ESRRG: variants seen among roughly 807,000 people sequenced by gnomAD.
The protein encoded by ESRRG is estrogen related receptor gamma, also known as estrogen-related receptor gamma.
Under a neutral mutation model 44.0 loss-of-function variants are expected in ESRRG, and 13 were observed. That is an observed-to-expected ratio of 0.30 (90% CI 0.19 to 0.47). The LOEUF (loss-of-function observed/expected upper bound fraction) is 0.47. Ranked by LOEUF, ESRRG falls within the 20% of genes least tolerant of loss-of-function variation. ESRRG has a pLI of 1.00. For missense variants in ESRRG, 395 were observed against 580.6 expected (o/e 0.68, Z 3.29); for synonymous variants, 215 against 214.6 (o/e 1.00, Z -0.02).
At chr1:216,529,632 C>T (rs1410620066) in intron 5 of ESRRG, among the ~76,000 whole-genome samples, 2 of 152,118 alleles carry the variant, frequency 1.3e-5, no homozygotes, top group Non-Finnish European at 2.9e-5. Flanking sequence ...ATTGGCACTT[C>T]TGCCTTCCTT....
chr1:216,988,392 G>A (rs1423075311), intron 1 of ESRRG, among the ~76,000 whole-genome samples: 2 of 152,138 alleles, frequency 1.3e-5, no homozygotes, highest in African/African-American at 4.8e-5. Context: ...CTTATCAGTT[G>A]TTTTCCTTAT....
intron 1 of ESRRG, among the ~76,000 whole-genome samples, chr1:216,998,135 G>A (rs1259284418): frequency 6.6e-6 from 1 of 152,166 alleles, no homozygotes; most frequent in East Asian, 1.9e-4. Context: ...AAAGGATTGT[G>A]ATTTCAAGTA....
At chr1:216,654,074 G>T (rs2069743721) in intron 2 of ESRRG, among the ~76,000 whole-genome samples, 2 of 150,840 alleles carry the variant, frequency 1.3e-5, no homozygotes, top group South Asian at 4.2e-4. Flanking sequence ...AGTGAGCCAA[G>T]ATCATGCCAC....
chr1:216,536,873 G>A (rs1020971873), intron 5 of ESRRG, among the ~76,000 whole-genome samples: 1 of 152,082 alleles, frequency 6.6e-6, no homozygotes, highest in Admixed American at 6.6e-5. Flanking sequence ...GCAGGCAGTG[G>A]TATAATACTG....
Position 216,564,282 on chromosome 1 carries a change from T to C in ESRRG, c.799A>G (p.Thr267Ala). Residue 267 changes from threonine to alanine, a missense_variant, in exon 5 of 7, where the codon ACA (threonine) becomes GCA (alanine). Transcript: ENST00000408911. ...VPDSDIKALT[T>A]LCDLADRELV... ...TCTCGGTCGGCCAAGTCACACAGTG[T>C]AGTGAGGGCTTTGATGTCACTGTCG... is the stretch of plus-strand genomic sequence containing the variant. 6.2e-7 allele frequency: 1 copy of C among 1,611,530 alleles called. No individual in the cohort carries two copies. Among genetic ancestry groups the C allele is most frequent in the Non-Finnish European group, 8.5e-7 (1 of 1,178,568 alleles).
At chr1:216,877,844 A>G (rs1382048885) in intron 2 of ESRRG, among the ~76,000 whole-genome samples, 1 of 152,162 alleles carries the variant, frequency 6.6e-6, no homozygotes, top group African/African-American at 2.4e-5. Flanking sequence ...ACACACCTAG[A>G]CCACTACTTC....
At chr1:216,878,407 C>G (rs1490957925) in intron 2 of ESRRG, among the ~76,000 whole-genome samples, 2 of 152,150 alleles carry the variant, frequency 1.3e-5, no homozygotes, top group African/African-American at 2.4e-5. Flanking sequence ...AATATACATA[C>G]TTAAATTCTA....
chr1:216,834,698 G>A (rs950914833), intron 2 of ESRRG, among the ~76,000 whole-genome samples: 10 of 152,188 alleles, frequency 6.6e-5, no homozygotes, highest in Non-Finnish European at 1.3e-4. Context: ...ATTGGGTATC[G>A]CATGCATAGA....
At chr1:216,874,458 C>A (rs1157143848) in intron 2 of ESRRG, among the ~76,000 whole-genome samples, 5 of 152,004 alleles carry the variant, frequency 3.3e-5, no homozygotes, top group Non-Finnish European at 5.9e-5. Context: ...TAATAAATAC[C>A]AGTGTACCCT....
At chr1:217,106,884 T>C (rs1201166226) in intron 1 of ESRRG, among the ~76,000 whole-genome samples, 1 of 152,214 alleles carries the variant, frequency 6.6e-6, no homozygotes, top group Admixed American at 6.5e-5. Flanking sequence ...CCTCTTTTTA[T>C]ACTTTCACCA....
At chr1:216,773,256 A>G (rs2152401588) in intron 2 of ESRRG, among the ~76,000 whole-genome samples, 1 of 152,246 alleles carries the variant, frequency 6.6e-6, no homozygotes, top group Admixed American at 6.5e-5. Flanking sequence ...TAGCTTACCA[A>G]GCAGATAAGG....
chr1:216,557,574 A>T (rs2057841202), intron 5 of ESRRG, among the ~76,000 whole-genome samples: 2 of 152,198 alleles, frequency 1.3e-5, no homozygotes, highest in South Asian at 2.1e-4. Flanking sequence ...TACCTACAGA[A>T]TTGTTGTGGA....
intron 2 of ESRRG, among the ~76,000 whole-genome samples, chr1:216,930,090 T>C (rs2063138422): frequency 6.6e-6 from 1 of 152,210 alleles, no homozygotes; most frequent in Non-Finnish European, 1.5e-5. Flanking sequence ...AAGTTTAATA[T>C]GTCATCTTCC....
chr1:216,795,705 T>C (rs1008435336), intron 2 of ESRRG, among the ~76,000 whole-genome samples: 5 of 152,142 alleles, frequency 3.3e-5, no homozygotes, highest in Admixed American at 6.6e-5. Flanking sequence ...GCATTTTAAA[T>C]TTTGAATCTT....
At chr1:216,961,325 T>G (rs2069004220) in intron 1 of ESRRG, among the ~76,000 whole-genome samples, 1 of 152,098 alleles carries the variant, frequency 6.6e-6, no homozygotes, top group Non-Finnish European at 1.5e-5. Context: ...CTTTATGACC[T>G]CTCAGTCAGC....
rs920319766 is a variant in ESRRG, at chr1:216,599,260, G to C, written c.590-31162C>G. Among the ~76,000 whole-genome samples the C allele has an allele frequency of 4.6e-5, 7 of 152,096 alleles. No homozygotes were observed. The South Asian group carries it at 1.5e-3, about 32-fold the overall frequency. On this transcript the variant is annotated intron_variant, in intron 3 of 6. Coordinates refer to ENST00000408911, the MANE Select transcript of ESRRG (RefSeq NM_001438.4). ...TACCAAAGCTAGTACTGGTTCACAA[G>C]TCATTTCAAAAGAAAAAGTAAAACC...
In ESRRG at chr1:216,992,065, T is replaced by G. The variant is rs144374346; in HGVS notation, c.-105-52392A>C. 8.1e-4 allele frequency among the ~76,000 whole-genome samples: 123 copies of G among 152,310 alleles called. 1 individual carries two copies. Among genetic ancestry groups the G allele is most frequent in the African/African-American group, 2.7e-3 (114 of 41,578 alleles). ...TTGCCAAGTTGATTTTGGATTCCCA[T>G]GCAGTCTGGATTTTTCAGACCAAAT... On this transcript the variant is annotated intron_variant, in intron 1 of 7. Transcript: ENST00000359162.
chr1:216,736,244 G>T (rs1338901947), intron 2 of ESRRG, among the ~76,000 whole-genome samples: 3 of 138,798 alleles, frequency 2.2e-5, no homozygotes, highest in Non-Finnish European at 4.5e-5. Context: ...GTGCAGTGGC[G>T]CTGTCTCTAC....
At chr1:216,616,605 TC>T (rs555161351) in intron 3 of ESRRG, among the ~76,000 whole-genome samples, 1 of 152,318 alleles carries the variant, frequency 6.6e-6, no homozygotes, top group South Asian at 2.1e-4. Flanking sequence ...ACAGATTACA[TC>T]CTTTACTTTT....
Sources: gnomAD v4.1 joint callset for allele counts (sites outside exome capture counted in the v4.1 genomes callset) on GRCh38, gnomAD v4.1.1 for gene constraint, MANE v1.5 for transcripts, NCBI Gene and HGNC (gene_info 2026-07-23, HGNC 2026-07-21) for gene names.